Variants in SPECC1 observed in about 807,000 individuals in gnomAD.
SPECC1 encodes the protein sperm antigen with calponin homology and coiled-coil domains 1, also known as cytospin-B.
A neutral mutation model predicts 104.1 loss-of-function variants in SPECC1; 62 were observed. The observed-to-expected ratio is 0.60, with a 90% CI of 0.49 to 0.74. The LOEUF (loss-of-function observed/expected upper bound fraction) is 0.74. Among genes scored for constraint, SPECC1 ranks in the 30% least tolerant of loss-of-function variants. The pLI, the probability that SPECC1 is intolerant of heterozygous loss-of-function variation, is 0.00. For missense variants in SPECC1, 1,306 were observed against 1,310.5 expected (o/e 1.00, Z 0.05); for synonymous variants, 513 against 501.6 (o/e 1.02, Z -0.30).
chr17:20,081,532 G>T (rs1377759239), intron 1 of SPECC1, among the ~76,000 whole-genome samples: 1 of 152,070 alleles, frequency 6.6e-6, no homozygotes, highest in East Asian at 1.9e-4. Flanking sequence ...CGACTGGAGG[G>T]CTTTGAGCAG....
At chr17:20,248,733 G>T (rs990793824) in intron 9 of SPECC1, among the ~76,000 whole-genome samples, 4 of 152,116 alleles carry the variant, frequency 2.6e-5, no homozygotes, top group South Asian at 2.1e-4. Flanking sequence ...TGTTTTGTAA[G>T]AAGTATTGAT....
chr17:20,205,783 C>T lies in SPECC1; in HGVS notation c.1734C>T (p.Cys578=), dbSNP rs144746082. ...CTGTGGAGCAGACGGCAGAGAGCTGCGAAGTTCAAGAAATGTTGAAAGTAG... is the reference window on the plus strand; with the variant it reads ...CTGTGGAGCAGACGGCAGAGAGCTGTGAAGTTCAAGAAATGTTGAAAGTAG... ...ASAVEQTAES[C]EVQEMLKVAR... Residue 578 remains cysteine (C), a synonymous_variant, in exon 4 of 15, where the codon TGC becomes TGT. Coordinates refer to ENST00000395527, the MANE Select transcript of SPECC1 (RefSeq NM_001243439.2). 55 of 1,614,112 alleles carry T rather than the reference C, an allele frequency of 3.4e-5. No homozygotes were observed. The South Asian group carries it at 4.5e-4, about 13-fold the overall frequency.
chr17:20,149,684 T>C (rs1567878450), intron 3 of SPECC1, among the ~76,000 whole-genome samples: 1 of 152,238 alleles, frequency 6.6e-6, no homozygotes, highest in Non-Finnish European at 1.5e-5. Context: ...TGAGTGCAAC[T>C]GTGTGCTGAG....
intron 1 of SPECC1, among the ~76,000 whole-genome samples, chr17:20,075,384 G>A (rs1399201243): frequency 1.3e-5 from 2 of 152,198 alleles, no homozygotes; most frequent in Non-Finnish European, 2.9e-5. Flanking sequence ...GGTGAGTGGT[G>A]CAGCCAGGAT....
chr17:20,157,324 C>T, intron 3 of SPECC1, among the ~76,000 whole-genome samples: 1 of 152,006 alleles, frequency 6.6e-6, no homozygotes, highest in South Asian at 2.1e-4. Context: ...ACGGGCTGTC[C>T]AAGTTTCTTC....
chr17:20,188,755 T>C (rs73301577), intron 3 of SPECC1, among the ~76,000 whole-genome samples: 137 of 152,352 alleles, frequency 9.0e-4, no homozygotes, highest in African/African-American at 3.2e-3. Flanking sequence ...GGTAAAGTGC[T>C]GTTATCCTTC....
intron 3 of SPECC1, among the ~76,000 whole-genome samples, chr17:20,175,791 C>T (rs930325778): frequency 6.6e-6 from 1 of 152,130 alleles, no homozygotes; most frequent in African/African-American, 2.4e-5. Flanking sequence ...GGGCCTGGGC[C>T]TCTGCCGGGT....
intron 1 of SPECC1, among the ~76,000 whole-genome samples, chr17:20,044,204 A>G (rs1199522084): frequency 2.0e-5 from 3 of 152,152 alleles, no homozygotes; most frequent in African/African-American, 7.2e-5. Context: ...TCAGTGTTTC[A>G]GAACTTGTTT....
At chr17:20,223,653 A>G (rs2038030774) in intron 4 of SPECC1, among the ~76,000 whole-genome samples, 1 of 152,050 alleles carries the variant, frequency 6.6e-6, no homozygotes, top group African/African-American at 2.4e-5. Context: ...AGCCTGGGCG[A>G]CAGAGCAAGA....
intron 9 of SPECC1, among the ~76,000 whole-genome samples, chr17:20,251,088 G>C (rs964432767): frequency 7.3e-5 from 11 of 151,724 alleles, no homozygotes; most frequent in African/African-American, 2.4e-4. Context: ...TTAGCTGGGC[G>C]TGGTGGTGCA....
At chr17:20,114,083 C>T (rs2048630547) in intron 3 of SPECC1, among the ~76,000 whole-genome samples, 1 of 152,064 alleles carries the variant, frequency 6.6e-6, no homozygotes, top group East Asian at 1.9e-4. Flanking sequence ...TTACAGCCAC[C>T]AAAAAAGTAT....
chr17:20,128,426 TCTC>T (rs1208582439), intron 3 of SPECC1, among the ~76,000 whole-genome samples: 1 of 152,168 alleles, frequency 6.6e-6, no homozygotes, highest in African/African-American at 2.4e-5. Flanking sequence ...ATAACTGTGT[TCTC>T]CTATTCAGGA....
At chr17:20,143,914 G>A (rs536850566) in intron 3 of SPECC1, among the ~76,000 whole-genome samples, 4 of 152,186 alleles carry the variant, frequency 2.6e-5, no homozygotes, top group Admixed American at 6.5e-5. Context: ...ACCACAGGGC[G>A]TGGGGGAGCC....
At chr17:20,128,709 C>T (rs968990680) in intron 3 of SPECC1, among the ~76,000 whole-genome samples, 1 of 151,586 alleles carries the variant, frequency 6.6e-6, no homozygotes, top group Admixed American at 6.6e-5. Context: ...ATTTTTTCTT[C>T]CCAGCTTCCC....
chr17:20,073,950 A>G (rs965768292), intron 1 of SPECC1, among the ~76,000 whole-genome samples: 1 of 152,214 alleles, frequency 6.6e-6, no homozygotes, highest in African/African-American at 2.4e-5. Context: ...ATCTTTTCTC[A>G]CTTGTTTTAT....
At chr17:20,053,670 C>G (rs1271212389) in intron 1 of SPECC1, among the ~76,000 whole-genome samples, 1 of 152,238 alleles carries the variant, frequency 6.6e-6, no homozygotes, top group Non-Finnish European at 1.5e-5. Context: ...TTGAGATCTC[C>G]TGCCAACAAC....
At chr17:20,112,367 C>T in intron 3 of SPECC1, 1 of 757,110 alleles carries the variant, frequency 1.3e-6, no homozygotes, top group South Asian at 1.4e-5. Flanking sequence ...ATTGATTGAA[C>T]ACCTAGAAAT....
At chr17:20,251,835 C>T (rs907730954) in intron 9 of SPECC1, among the ~76,000 whole-genome samples, 10 of 152,132 alleles carry the variant, frequency 6.6e-5, no homozygotes, top group African/African-American at 9.7e-5. Flanking sequence ...GAGGTAAGTA[C>T]GTTTAGTATC....
chr17:20,223,719 A>G (rs578008517), intron 4 of SPECC1, among the ~76,000 whole-genome samples: 2 of 152,282 alleles, frequency 1.3e-5, no homozygotes, highest in South Asian at 4.1e-4. Context: ...ATATATCGAA[A>G]GGATTCTAAA....
Sources: gnomAD v4.1 joint callset for allele counts (sites outside exome capture counted in the v4.1 genomes callset) on GRCh38, gnomAD v4.1.1 for gene constraint, MANE v1.5 for transcripts, NCBI Gene and HGNC (gene_info 2026-07-23, HGNC 2026-07-21) for gene names.